CPO: variants seen among roughly 807,000 people sequenced by gnomAD.
CPO encodes the protein metallocarboxypeptidase C.
Under a neutral mutation model 41.2 loss-of-function variants are expected in CPO, and 43 were observed. The observed-to-expected ratio is 1.04, with a 90% CI of 0.82 to 1.35. The LOEUF (loss-of-function observed/expected upper bound fraction) is 1.35, where lower values mean the gene tolerates loss of function less well. CPO is among the 40% of genes most tolerant of loss of function. CPO has a pLI of 0.00. For synonymous variants in CPO, 178 were observed against 162.7 expected (o/e 1.09, Z -0.72); for missense variants, 408 against 451.7 (o/e 0.90, Z 0.88).
At chr2:206,946,028 T>C (rs1693138927) in intron 1 of CPO, among the ~76,000 whole-genome samples, 1 of 151,996 alleles carries the variant, frequency 6.6e-6, no homozygotes, top group Non-Finnish European at 1.5e-5. Context: ...CAGGCCAAGA[T>C]AGGTTCACTG....
intron 4 of CPO, among the ~76,000 whole-genome samples, 200 bp from the exon 5 acceptor site, chr2:206,959,431 T>A (rs1374888987): frequency 6.6e-6 from 1 of 152,124 alleles, no homozygotes; most frequent in Non-Finnish European, 1.5e-5. Flanking sequence ...GCAATCTGTG[T>A]CTTAACAGGT....
At chr2:206,953,505 G>T (rs1365212370) in intron 2 of CPO, among the ~76,000 whole-genome samples, 2 of 152,230 alleles carry the variant, frequency 1.3e-5, no homozygotes, top group East Asian at 3.8e-4. Flanking sequence ...GCAAGAGGTG[G>T]GCTCCTACAA....
intron 7 of CPO, among the ~76,000 whole-genome samples, chr2:206,965,903 A>G (rs1161500817): frequency 1.3e-5 from 2 of 152,196 alleles, no homozygotes; most frequent in African/African-American, 4.8e-5. Context: ...GAGAAGTACA[A>G]TCAGGAGTTC....
chr2:206,966,520 CCT>C (rs910101350), intron 7 of CPO, among the ~76,000 whole-genome samples: 12 of 151,940 alleles, frequency 7.9e-5, no homozygotes, highest in African/African-American at 2.7e-4. Flanking sequence ...CCCACCCCTC[CCT>C]CTCATTTCCT....
chr2:206,952,934 A>G (rs1693292619), intron 2 of CPO, among the ~76,000 whole-genome samples: 1 of 152,168 alleles, frequency 6.6e-6, no homozygotes. Flanking sequence ...GAGTGTGTGC[A>G]AGGGAGCTGC....
intron 1 of CPO, among the ~76,000 whole-genome samples, chr2:206,942,740 TTTCC>T (rs1322471020): frequency 6.6e-6 from 1 of 152,154 alleles, no homozygotes; most frequent in Non-Finnish European, 1.5e-5. Flanking sequence ...TAGCCAGCTT[TTTCC>T]TCCCCTCTCT....
intron 4 of CPO, among the ~76,000 whole-genome samples, chr2:206,959,240 AAC>A (rs1375532904): frequency 1.3e-5 from 2 of 152,218 alleles, no homozygotes; most frequent in Non-Finnish European, 2.9e-5. Flanking sequence ...CAGAAACCCA[AAC>A]ACAGAGAAAC....
chr2:206,965,484 C>A (rs548919472), intron 7 of CPO, among the ~76,000 whole-genome samples: 5 of 152,274 alleles, frequency 3.3e-5, no homozygotes, highest in African/African-American at 1.2e-4. Context: ...GACAGCTTGG[C>A]AATCACTGTG....
chr2:206,961,759 T>C (rs967047765), intron 6 of CPO, among the ~76,000 whole-genome samples: 1 of 152,030 alleles, frequency 6.6e-6, no homozygotes, highest in Admixed American at 6.6e-5. Context: ...CAAGAACTGC[T>C]TTCCAGGCAT....
rs1397087686 is a variant in CPO at position 206,939,685 on chromosome 2, A to G, written c.68+18A>G. The G allele has an allele frequency of 6.3e-7, 1 of 1,597,238 alleles. No individual in the cohort carries two copies. Among genetic ancestry groups the G allele is most frequent in the Non-Finnish European group, 8.6e-7 (1 of 1,165,852 alleles). On this transcript the variant is annotated intron_variant, in intron 1 of 8. Transcript: ENST00000272852. ...TATGATAGGTGAGTGTAAAGTGGGA[A>G]GAGGAACTGATTATTATAATTTAGA...
chr2:206,950,147 G>T (rs1693223887), intron 2 of CPO, among the ~76,000 whole-genome samples: 1 of 152,128 alleles, frequency 6.6e-6, no homozygotes, highest in African/African-American at 2.4e-5. Flanking sequence ...ACATGCAGTA[G>T]TTCTCAAGAG....
Position 206,957,062 on chromosome 2 carries a change from C to A in CPO, c.268-1239C>A, listed in dbSNP as rs554394249. On this transcript the variant is annotated intron_variant, in intron 3 of 8. Coordinates refer to ENST00000272852, the MANE Select transcript of CPO (RefSeq NM_173077.3). ...AAGATAAACATGTAACTAGCATACA[C>A]GTACTCATAAAAAGGCTAATTATAG... Among the ~76,000 whole-genome samples, 5 of 152,284 alleles carry A rather than the reference C, an allele frequency of 3.3e-5. No homozygotes were observed. In the South Asian group the frequency reaches 1.0e-3, roughly 32 times the overall value.
chr2:206,963,520 C>T (rs2105828682), intron 7 of CPO, among the ~76,000 whole-genome samples: 1 of 152,268 alleles, frequency 6.6e-6, no homozygotes, highest in East Asian at 1.9e-4. Context: ...ACACGAGTCC[C>T]TCACAACCAT....
chr2:206,968,115 C>T, intron 7 of CPO, 148 bp from the exon 8 acceptor site: 1 of 679,892 alleles, frequency 1.5e-6, no homozygotes, highest in East Asian at 2.7e-5. Context: ...TCTGAGTTAC[C>T]AGCAGGCTAC....
At position 206,962,598 on chromosome 2, in the gene CPO, G is replaced by C. The variant is rs756313840; in HGVS notation, c.761G>C (p.Ser254Thr). Residue 254 changes from serine (S) to threonine (T), a missense_variant, in exon 7 of 9, where the codon AGT (serine) becomes ACT (threonine). Coordinates refer to ENST00000272852, the MANE Select transcript of CPO (RefSeq NM_173077.3). ...TPYGYTKNKS[S>T]NHPEMIQVGQ... ...TACGGCTACACCAAAAATAAATCAA[G>C]TAACCACCCAGAAATGGTGAGTCCA... 6.2e-7 allele frequency: 1 copy of C among 1,613,880 alleles called. No individual in the cohort carries two copies. Among genetic ancestry groups the C allele is most frequent in the Non-Finnish European group, 8.5e-7 (1 of 1,179,932 alleles).
intron 2 of CPO, among the ~76,000 whole-genome samples, chr2:206,949,946 GAAC>G (rs1426588897): frequency 6.6e-5 from 10 of 152,220 alleles, no homozygotes; most frequent in Admixed American, 2.0e-4. Context: ...AAAAGAAAAT[GAAC>G]AAGAACATCC....
intron 1 of CPO, among the ~76,000 whole-genome samples, chr2:206,941,931 A>G (rs1363429251): frequency 6.6e-6 from 1 of 152,114 alleles, no homozygotes; most frequent in Non-Finnish European, 1.5e-5. Flanking sequence ...TGGCTTGAAA[A>G]TGTTCATCTT....
intron 5 of CPO, among the ~76,000 whole-genome samples, chr2:206,960,588 C>T (rs1243497289): frequency 6.6e-6 from 1 of 152,230 alleles, no homozygotes; most frequent in Non-Finnish European, 1.5e-5. Flanking sequence ...CTAATCTGCT[C>T]ATGAGGAAAA....
At chr2:206,959,428 G>C (rs1693437012) in intron 4 of CPO, among the ~76,000 whole-genome samples, 1 of 152,144 alleles carries the variant, frequency 6.6e-6, no homozygotes, top group Non-Finnish European at 1.5e-5. Flanking sequence ...CCAGCAATCT[G>C]TGTCTTAACA....
Sources: gnomAD v4.1 joint callset for allele counts (sites outside exome capture counted in the v4.1 genomes callset) on GRCh38, gnomAD v4.1.1 for gene constraint, MANE v1.5 for transcripts, NCBI Gene and HGNC (gene_info 2026-07-23, HGNC 2026-07-21) for gene names.